The following HCN1 variants were observed in gnomAD, a reference collection of about 807,000 sequenced individuals.
HCN1 encodes the protein potassium/sodium hyperpolarization-activated cyclic nucleotide-gated channel 1.
Under a neutral mutation model 78.9 loss-of-function variants are expected in HCN1, and 13 were observed. That is an observed-to-expected ratio of 0.16 (90% CI 0.11 to 0.26). HCN1 has a LOEUF of 0.26. Ranked by LOEUF, HCN1 falls within the 10% of genes least tolerant of loss-of-function variation. HCN1 has a pLI of 1.00. For missense variants in HCN1, 810 were observed against 1,154.3 expected, an observed-to-expected ratio of 0.70 and a Z score of 4.32; for synonymous variants, 552 against 455.5, an observed-to-expected ratio of 1.21 and a Z score of -2.70.
chr5:45,659,892 C>A (rs1430028584), intron 1 of HCN1, among the ~76,000 whole-genome samples: 1 of 140,516 alleles, frequency 7.1e-6, no homozygotes, highest in Non-Finnish European at 1.5e-5. Context: ...AGGATATTAT[C>A]CAGGAGAACT....
chr5:45,357,911 G>C (rs1747034236), intron 4 of HCN1, among the ~76,000 whole-genome samples: 1 of 151,954 alleles, frequency 6.6e-6, no homozygotes, highest in South Asian at 2.1e-4. Flanking sequence ...TAGTTCCCTA[G>C]AGAGCTTGAT....
intron 4 of HCN1, among the ~76,000 whole-genome samples, chr5:45,372,437 T>A (rs1172155788): frequency 1.6e-5 from 2 of 123,130 alleles, no homozygotes; most frequent in Non-Finnish European, 3.2e-5. Flanking sequence ...TAATATATAC[T>A]TATATATAAA....
chr5:45,371,668 A>G (rs983833016), intron 4 of HCN1, among the ~76,000 whole-genome samples: 1 of 150,218 alleles, frequency 6.7e-6, no homozygotes, highest in African/African-American at 2.5e-5. Flanking sequence ...GAGGCAGGAG[A>G]ATCACTTGAA....
At chr5:45,446,222 C>G (rs1014963803) in intron 3 of HCN1, among the ~76,000 whole-genome samples, 5 of 151,900 alleles carry the variant, frequency 3.3e-5, no homozygotes, top group Non-Finnish European at 5.9e-5. Flanking sequence ...AGCCAAGGCT[C>G]GAGAACTATG....
intron 3 of HCN1, among the ~76,000 whole-genome samples, chr5:45,450,610 T>C (rs1276399045): frequency 6.6e-6 from 1 of 152,134 alleles, no homozygotes; most frequent in Admixed American, 6.5e-5. Context: ...GACAAATAAA[T>C]AAGCAAAATA....
intron 6 of HCN1, among the ~76,000 whole-genome samples, chr5:45,301,741 G>C (rs1013682640): frequency 7.5e-6 from 1 of 134,066 alleles, no homozygotes; most frequent in Non-Finnish European, 1.6e-5. Flanking sequence ...AAAAAAAAAA[G>C]AAAGAAAAGC....
chr5:45,644,856 G>A lies in HCN1; in HGVS notation c.849+329C>T, dbSNP rs1031018807. On this transcript the variant is annotated intron_variant, in intron 2 of 7. Transcript: ENST00000303230. ...CATCTTTATCAAAATAATGGTACTT[G>A]ATGTATTTATATTAGATTAAAAAAA... 9 of 336,570 alleles carry A rather than the reference G, an allele frequency of 2.7e-5. No homozygotes were observed. The South Asian group carries it at 4.2e-4, about 16-fold the overall frequency. The allele number at this position is 336,570 out of a possible 1,614,324, so 20.8% of individuals were successfully genotyped here. A position where few individuals can be genotyped will look rare whatever the true frequency, so the allele number is the denominator to read the frequency against.
chr5:45,298,853 A>T (rs529321448), intron 6 of HCN1, among the ~76,000 whole-genome samples: 38 of 152,062 alleles, frequency 2.5e-4, no homozygotes, highest in African/African-American at 8.9e-4. Flanking sequence ...TGTCTGACAA[A>T]CCCTAACTCA....
At chr5:45,675,530 C>G (rs760922812) in intron 1 of HCN1, among the ~76,000 whole-genome samples, 6 of 151,796 alleles carry the variant, frequency 4.0e-5, no homozygotes, top group African/African-American at 1.2e-4. Flanking sequence ...AAAAATCACA[C>G]AATTATGCCA....
In HCN1 at chr5:45,491,378, C is replaced by T. The variant is rs899854349; in HGVS notation, c.850-29371G>A. ...CATACTCCAACAAACACATAACACT[C>T]TGTGAGTATATCATAATTATGATAT... On this transcript the variant is annotated intron_variant, in intron 2 of 7. Coordinates refer to ENST00000303230, the MANE Select transcript of HCN1 (RefSeq NM_021072.4). 6.6e-5 allele frequency among the ~76,000 whole-genome samples: 10 copies of T among 152,052 alleles called. No homozygotes were observed. In the South Asian group the frequency reaches 8.3e-4, roughly 13 times the overall value.
chr5:45,493,593 ATTT>A, intron 2 of HCN1, among the ~76,000 whole-genome samples: 1 of 148,948 alleles, frequency 6.7e-6, no homozygotes, highest in Admixed American at 6.7e-5. Context: ...TTTAGCTTTT[ATTT>A]TTTTTTATTT....
At chr5:45,547,931 C>T (rs747911150) in intron 2 of HCN1, among the ~76,000 whole-genome samples, 34 of 151,820 alleles carry the variant, frequency 2.2e-4, no homozygotes, top group South Asian at 4.1e-4. Flanking sequence ...ATCACCTATT[C>T]GTATCTGTCT....
intron 6 of HCN1, among the ~76,000 whole-genome samples, chr5:45,289,805 C>T (rs1745335783): frequency 6.6e-6 from 1 of 152,140 alleles, no homozygotes; most frequent in Middle Eastern, 3.4e-3. Context: ...TGTATTCTTA[C>T]AGTTCTGGAG....
intron 5 of HCN1, among the ~76,000 whole-genome samples, chr5:45,304,176 T>C (rs898088432): frequency 6.6e-6 from 1 of 152,164 alleles, no homozygotes; most frequent in African/African-American, 2.4e-5. Flanking sequence ...ATACATTCTA[T>C]TCTTCCTTTT....
At chr5:45,401,631 T>C (rs1048113891) in intron 3 of HCN1, among the ~76,000 whole-genome samples, 4 of 151,480 alleles carry the variant, frequency 2.6e-5, no homozygotes, top group Non-Finnish European at 5.9e-5. Flanking sequence ...TATTTACTTA[T>C]ACTTACACGT....
intron 1 of HCN1, among the ~76,000 whole-genome samples, chr5:45,685,491 A>G (rs1463542357): frequency 2.6e-5 from 4 of 152,216 alleles, no homozygotes. Context: ...AGCCGGGCGG[A>G]TCACCCAAGG....
rs117289378 is a variant in HCN1 at position 45,573,895 on chromosome 5, A to G, written c.849+71290T>C. ...ATATAAGCTTTCTGAACAAAAAAAGATATTTATTTTATGAGAAAAATACAC... is the reference window on the plus strand; with the variant it reads ...ATATAAGCTTTCTGAACAAAAAAAGGTATTTATTTTATGAGAAAAATACAC... On this transcript the variant is annotated intron_variant, in intron 2 of 7. Coordinates refer to ENST00000303230, the MANE Select transcript of HCN1 (RefSeq NM_021072.4). 4.2e-3 allele frequency among the ~76,000 whole-genome samples: 639 copies of G among 152,236 alleles called. 26 individuals carry two copies. The East Asian group carries it at 0.11, about 27-fold the overall frequency.
At chr5:45,442,641 T>A (rs1451633379) in intron 3 of HCN1, among the ~76,000 whole-genome samples, 1 of 150,340 alleles carries the variant, frequency 6.7e-6, no homozygotes, top group Non-Finnish European at 1.5e-5. Context: ...AAAAAACATC[T>A]GAATATTCAG....
At chr5:45,350,057 C>A (rs1746855038) in intron 5 of HCN1, among the ~76,000 whole-genome samples, 1 of 152,066 alleles carries the variant, frequency 6.6e-6, no homozygotes, top group Non-Finnish European at 1.5e-5. Flanking sequence ...CAAAGCTGGG[C>A]AGACACACAA....
Sources: gnomAD v4.1 joint callset for allele counts (sites outside exome capture counted in the v4.1 genomes callset) on GRCh38, gnomAD v4.1.1 for gene constraint, MANE v1.5 for transcripts, NCBI Gene and HGNC (gene_info 2026-07-23, HGNC 2026-07-21) for gene names.